Variants in PGM2L1 observed in about 807,000 individuals in gnomAD.
PGM2L1 encodes glucose 1,6-bisphosphate synthase.
Under a neutral mutation model 73.4 loss-of-function variants are expected in PGM2L1, and 35 were observed. The ratio of observed to expected loss-of-function variants is 0.48; its 90% CI spans 0.36 to 0.63. The LOEUF is 0.63. PGM2L1 is among the 30% of genes least tolerant of loss of function. The pLI is 0.00. For synonymous variants in PGM2L1, 225 were observed against 253.8 expected (o/e 0.89, Z 1.08); for missense variants, 570 against 742.0 (o/e 0.77, Z 2.69).
At chr11:74,394,798 G>A (rs1458526498) in intron 1 of PGM2L1, among the ~76,000 whole-genome samples, 3 of 152,064 alleles carry the variant, frequency 2.0e-5, no homozygotes, top group Non-Finnish European at 4.4e-5. Flanking sequence ...CCGAGACTAA[G>A]ATTAGTAATT....
intron 1 of PGM2L1, among the ~76,000 whole-genome samples, chr11:74,394,041 G>A (rs145079705): frequency 1.7e-3 from 257 of 152,290 alleles, no homozygotes; most frequent in Non-Finnish European, 2.9e-3. Context: ...AGAGAGCACT[G>A]GTAGTAGAGT....
At chr11:74,349,371 T>C (rs1457118823) in intron 6 of PGM2L1, among the ~76,000 whole-genome samples, 3 of 152,198 alleles carry the variant, frequency 2.0e-5, no homozygotes, top group Non-Finnish European at 4.4e-5. Flanking sequence ...TTTAATGTTT[T>C]AATTCATTGA....
intron 1 of PGM2L1, among the ~76,000 whole-genome samples, chr11:74,382,746 G>A (rs1003851713): frequency 3.9e-5 from 6 of 152,026 alleles, no homozygotes; most frequent in African/African-American, 2.4e-5. Flanking sequence ...CAATACTCCC[G>A]CCTCAACCTC....
intron 1 of PGM2L1, among the ~76,000 whole-genome samples, chr11:74,393,719 C>T (rs1054159749): frequency 1.4e-4 from 22 of 152,174 alleles, no homozygotes; most frequent in African/African-American, 4.6e-4. Context: ...GCCTCCACAT[C>T]GTTGTTGATA....
rs1282808801 is a variant in PGM2L1 at position 74,335,978 on chromosome 11, T to C, written c.*674A>G. On this transcript the variant is annotated 3_prime_UTR_variant, in exon 14 of 14. Transcript: ENST00000298198. ...AGAAATTTGATAAGAACAAAGCCAA[T>C]AGGAGTGTTGCCACTATTGTTTTAT... 1 of 152,580 alleles carries C rather than the reference T, an allele frequency of 6.6e-6. No homozygotes were observed. The highest frequency in any genetic ancestry group is 1.5e-5 in the Non-Finnish European group (1 of 68,020). 9.5% of individuals were successfully genotyped at this position (152,580 alleles called of 1,614,324 possible). A position where few individuals can be genotyped will look rare whatever the true frequency, so the allele number is the denominator to read the frequency against.
At chr11:74,377,220 C>T (rs1464477143) in intron 1 of PGM2L1, among the ~76,000 whole-genome samples, 2 of 151,624 alleles carry the variant, frequency 1.3e-5, no homozygotes, top group Non-Finnish European at 1.5e-5. Flanking sequence ...CTGCAAGCTC[C>T]GCCTCCCGGG....
intron 1 of PGM2L1, among the ~76,000 whole-genome samples, chr11:74,389,978 G>T (rs1591193441): frequency 1.1e-5 from 1 of 91,124 alleles, no homozygotes; most frequent in East Asian, 3.2e-4. Flanking sequence ...AATTAGCCAG[G>T]CGTGGTGACG....
rs1353309921 is a variant in PGM2L1, at chr11:74,342,544, G to A, written c.1549C>T (p.Pro517Ser). ...ATAGCAAATGTTCCACAAAATTTTG[G>A]ATATTCTTTTGGAGAATCAAAATTA... Reference protein sequence around the residue: ...LRNFDSPKEYPKFCGTFAILH... With the variant: ...LRNFDSPKEYSKFCGTFAILH... Residue 517 changes from proline to serine, a missense_variant, in exon 12 of 14, where the codon CCA becomes TCA. Coordinates refer to ENST00000298198, the MANE Select transcript of PGM2L1 (RefSeq NM_173582.6). The A allele has an allele frequency of 6.2e-7, 1 of 1,609,402 alleles. No individual in the cohort carries two copies. Among genetic ancestry groups the A allele is most frequent in the Non-Finnish European group, 8.5e-7 (1 of 1,177,364 alleles).
chr11:74,373,346 A>G (rs1862804565), intron 2 of PGM2L1, among the ~76,000 whole-genome samples: 1 of 152,208 alleles, frequency 6.6e-6, no homozygotes, highest in Non-Finnish European at 1.5e-5. Flanking sequence ...CTATGTAACC[A>G]TCCTGTCATT....
Position 74,334,753 on chromosome 11 carries a change from A to G in PGM2L1, c.*1899T>C, listed in dbSNP as rs1166629125. The stretch of plus-strand genomic sequence containing the variant: ...TATATTATTATTTTATATGAAATAA[A>G]TTCTCTAATTACAGTGCTATCTCCC... On this transcript the variant is annotated 3_prime_UTR_variant, in exon 14 of 14. Transcript: ENST00000298198. The G allele has an allele frequency of 6.6e-6, 1 of 152,202 alleles. No homozygotes were observed. Among genetic ancestry groups the G allele is most frequent in the African/African-American group, 2.4e-5 (1 of 41,452 alleles). 9.4% of individuals were successfully genotyped at this position (152,202 alleles called of 1,614,324 possible). A position where few individuals can be genotyped will look rare whatever the true frequency, so the allele number is the denominator to read the frequency against.
chr11:74,358,950 A>C (rs141811926), intron 5 of PGM2L1, among the ~76,000 whole-genome samples: 1 of 152,204 alleles, frequency 6.6e-6, no homozygotes, highest in African/African-American at 2.4e-5. Context: ...TATCCTATAG[A>C]TCAGCAGTGC....
chr11:74,356,973 A>G (rs1862468024), intron 5 of PGM2L1, among the ~76,000 whole-genome samples: 2 of 152,120 alleles, frequency 1.3e-5, no homozygotes. Flanking sequence ...AGCTAGGATT[A>G]CAGGTGCCTG....
chr11:74,368,296 T>G (rs1306521493), intron 5 of PGM2L1, among the ~76,000 whole-genome samples, 196 bp downstream of exon 5: 1 of 152,222 alleles, frequency 6.6e-6, no homozygotes, highest in Admixed American at 6.5e-5. Flanking sequence ...AGAAGACATT[T>G]TTGTAATTGT....
chr11:74,358,152 A>C (rs1188676813), intron 5 of PGM2L1, among the ~76,000 whole-genome samples: 1 of 152,210 alleles, frequency 6.6e-6, no homozygotes, highest in Non-Finnish European at 1.5e-5. Flanking sequence ...ATGAACCCTA[A>C]CATAAACTAT....
At chr11:74,396,410 T>C (rs935768236) in intron 1 of PGM2L1, among the ~76,000 whole-genome samples, 7 of 151,922 alleles carry the variant, frequency 4.6e-5, no homozygotes, top group South Asian at 2.1e-4. Context: ...TCATTCTTTT[T>C]TTTTCTTTTC....
chr11:74,354,419 TAA>T (rs1163296132), intron 5 of PGM2L1: 2 of 659,348 alleles, frequency 3.0e-6, no homozygotes, highest in Non-Finnish European at 5.4e-6. Context: ...GAAGCATCAT[TAA>T]AGTCTCCTTC....
chr11:74,384,014 G>T (rs956849556), intron 1 of PGM2L1, among the ~76,000 whole-genome samples: 1 of 151,680 alleles, frequency 6.6e-6, no homozygotes, highest in Non-Finnish European at 1.5e-5. Flanking sequence ...TCATTCATCA[G>T]TTTAGGAAAT....
At chr11:74,359,564 CA>C in intron 5 of PGM2L1, among the ~76,000 whole-genome samples, 1 of 150,068 alleles carries the variant, frequency 6.7e-6, no homozygotes, top group Middle Eastern at 3.4e-3. Context: ...CACGTACATA[CA>C]TATATATATA....
In PGM2L1 at chr11:74,331,938, T is replaced by C. The variant is rs1195894539; in HGVS notation, c.*4714A>G. 1.3e-5 allele frequency: 2 copies of C among 152,174 alleles called. No individual in the cohort carries two copies. Among genetic ancestry groups the C allele is most frequent in the South Asian group, 2.1e-4 (1 of 4,828 alleles). The allele number at this position is 152,174 out of a possible 1,614,324, so 9.4% of individuals were successfully genotyped here. On this transcript the variant is annotated 3_prime_UTR_variant, in exon 14 of 14. Coordinates refer to ENST00000298198, the MANE Select transcript of PGM2L1 (RefSeq NM_173582.6). ...TATTTGGTCACTCTACACATTCTTA[T>C]AGGTTCTCTTTTATAAGTACATAGT...
Sources: allele counts gnomAD v4.1 joint callset (sites outside exome capture counted in the v4.1 genomes callset), GRCh38; gene constraint gnomAD v4.1.1; transcripts MANE v1.5; gene names NCBI Gene and HGNC (gene_info 2026-07-23, HGNC 2026-07-21).